CUX2: variants seen among roughly 807,000 people sequenced by gnomAD.
CUX2 encodes the protein homeobox protein cut-like 2.
In CUX2, 40 loss-of-function variants were observed where a neutral mutation model predicts 144.8. That is an observed-to-expected ratio of 0.28 (90% CI 0.21 to 0.36). CUX2 has a LOEUF of 0.36. Ranked by LOEUF, CUX2 falls within the 10% of genes least tolerant of loss-of-function variation. The probability of loss-of-function intolerance (pLI) is 1.00; values close to 1 mark genes in which losing one functional copy is unlikely to be tolerated. For missense variants in CUX2, 1,615 were observed against 1,994.0 expected (o/e 0.81, Z 3.62); for synonymous variants, 827 against 875.6 (o/e 0.94, Z 0.98).
chr12:111,118,014 G>A (rs1874404567), intron 1 of CUX2, among the ~76,000 whole-genome samples: 1 of 152,128 alleles, frequency 6.6e-6, no homozygotes, highest in South Asian at 2.1e-4. Context: ...GTAAAGGCTG[G>A]GAAACCTCCC....
intron 1 of CUX2, among the ~76,000 whole-genome samples, chr12:111,207,756 T>C (rs183053631): frequency 2.0e-5 from 3 of 152,310 alleles, no homozygotes; most frequent in Non-Finnish European, 4.4e-5. Context: ...ATAAGGAACT[T>C]CTGTGTAAAT....
At chr12:111,119,962 G>A (rs1459240418) in intron 1 of CUX2, among the ~76,000 whole-genome samples, 1 of 152,228 alleles carries the variant, frequency 6.6e-6, no homozygotes, top group Non-Finnish European at 1.5e-5. Flanking sequence ...GGAGGCTGAG[G>A]CAGGAGAATA....
chr12:111,107,170 C>G (rs1873662534), intron 1 of CUX2, among the ~76,000 whole-genome samples: 1 of 152,180 alleles, frequency 6.6e-6, no homozygotes, highest in Non-Finnish European at 1.5e-5. Context: ...CAGGTGTACC[C>G]AAATGTACAG....
intron 1 of CUX2, among the ~76,000 whole-genome samples, chr12:111,208,205 A>G (rs574028577): frequency 2.6e-5 from 4 of 151,982 alleles, no homozygotes; most frequent in Admixed American, 1.3e-4. Flanking sequence ...CCAGCTCCCA[A>G]CAATCACTTT....
chr12:111,167,553 G>A (rs1302767384), intron 1 of CUX2, among the ~76,000 whole-genome samples: 3 of 152,334 alleles, frequency 2.0e-5, no homozygotes, highest in South Asian at 4.1e-4. Context: ...TGCAGTCATA[G>A]CCTGTGCTGC....
At position 111,263,732 on chromosome 12, in the gene CUX2, CG is replaced by C. The variant is rs1482173029; in HGVS notation, c.223-28del. 2 of 1,570,918 alleles carry C rather than the reference CG, an allele frequency of 1.3e-6. No individual in the cohort carries two copies. The highest frequency in any genetic ancestry group is 1.4e-5 in the African/African-American group (1 of 73,870). On this transcript the variant is annotated intron_variant, in intron 3 of 21. Coordinates refer to ENST00000261726, the MANE Select transcript of CUX2 (RefSeq NM_015267.4). The surrounding 1 kb of genome is among the most constrained non-coding windows in gnomAD (Gnocchi z 4.0). The stretch of plus-strand genomic sequence containing the variant: ...TGCAGACACAGATGCCATGGTTACA[CG>C]TGACTCTTTCTCTTGTTGTCTCCAA...
intron 1 of CUX2, among the ~76,000 whole-genome samples, chr12:111,182,288 T>C (rs554907285): frequency 6.6e-6 from 1 of 152,336 alleles, no homozygotes; most frequent in Non-Finnish European, 1.5e-5. Flanking sequence ...AAATAATTAA[T>C]TCCTCTAAAC....
chr12:111,177,927 TCAC>T (rs1337627305), intron 1 of CUX2, among the ~76,000 whole-genome samples: 3 of 152,242 alleles, frequency 2.0e-5, no homozygotes, highest in Non-Finnish European at 4.4e-5. Flanking sequence ...ATTCAGAGAA[TCAC>T]CCCATACAAA....
chr12:111,252,210 A>G (rs1161499081), intron 3 of CUX2, among the ~76,000 whole-genome samples: 1 of 152,200 alleles, frequency 6.6e-6, no homozygotes, highest in Non-Finnish European at 1.5e-5. Context: ...TGTATATTAT[A>G]TCTGCCTTGG....
rs576468094 is a variant in CUX2, at chr12:111,287,561, G to A, written c.302-3857G>A. 1.3e-5 allele frequency among the ~76,000 whole-genome samples: 2 copies of A among 152,372 alleles called. No homozygotes were observed. The highest frequency in any genetic ancestry group is 6.5e-5 in the Admixed American group (1 of 15,312). ...ATGCACACAACAAATAATTATAGATGAATTTTTAGCTGGCCTGCCTAATGC... is the reference window on the plus strand; with the variant it reads ...ATGCACACAACAAATAATTATAGATAAATTTTTAGCTGGCCTGCCTAATGC... On this transcript the variant is annotated intron_variant, in intron 4 of 21. Coordinates refer to ENST00000261726, the MANE Select transcript of CUX2 (RefSeq NM_015267.4). This position sits in a 1 kb window ranked among gnomAD's most constrained non-coding sequence, Gnocchi z 4.2.
chr12:111,290,866 C>A (rs988921075), intron 4 of CUX2, among the ~76,000 whole-genome samples: 13 of 136,862 alleles, frequency 9.5e-5, no homozygotes, highest in Admixed American at 7.0e-5. Context: ...ACTCAGCCAA[C>A]CTTTTTTTTT....
intron 4 of CUX2, among the ~76,000 whole-genome samples, chr12:111,286,090 G>T (rs1198267916): frequency 1.3e-5 from 2 of 152,190 alleles, no homozygotes; most frequent in Non-Finnish European, 2.9e-5. Context: ...TAGACTCTGG[G>T]TCTCTGAGGG....
At position 111,310,403 on chromosome 12, in the gene CUX2, G is replaced by T. The variant is rs765232025; in HGVS notation, c.1621G>T (p.Gly541Cys). 3.7e-6 allele frequency: 6 copies of T among 1,610,442 alleles called. No individual in the cohort carries two copies. In the South Asian group the frequency reaches 5.5e-5, roughly 15 times the overall value. Reference sequence around the variant, plus strand: ...TCCTGAGCCCGCGGATGGTGGTGGGGGCGGAGCGGCGGGGCCCGGGGCAGA... The same window carrying T: ...TCCTGAGCCCGCGGATGGTGGTGGGTGCGGAGCGGCGGGGCCCGGGGCAGA... ...GGPEPADGGG[G>C]GAAGPGAEEE... The change falls in exon 15 of 22, where the codon GGC becomes TGC. Residue 541 changes from glycine (G) to cysteine (C), a missense_variant. Physicochemically the swap from Gly to Cys is radical, Grantham distance 159. Coordinates refer to ENST00000261726, the MANE Select transcript of CUX2 (RefSeq NM_015267.4). This position sits in a 1 kb window ranked among gnomAD's most constrained non-coding sequence, Gnocchi z 7.9.
chr12:111,133,841 G>A (rs1746464541), intron 1 of CUX2, among the ~76,000 whole-genome samples: 1 of 152,124 alleles, frequency 6.6e-6, no homozygotes. Flanking sequence ...CACTCCAGCT[G>A]GTGGTGGGGA....
chr12:111,070,536 G>T (rs1347341656), intron 1 of CUX2, among the ~76,000 whole-genome samples: 3 of 151,560 alleles, frequency 2.0e-5, no homozygotes, highest in Non-Finnish European at 1.5e-5. Context: ...CCCAATATGT[G>T]CATAGCCTCC....
At position 111,078,066 on chromosome 12, in the gene CUX2, T is replaced by C. The variant is rs189162515; in HGVS notation, c.63+43826T>C. 1.7e-3 allele frequency among the ~76,000 whole-genome samples: 259 copies of C among 152,284 alleles called. 1 individual carries two copies. The highest frequency in any genetic ancestry group is 5.8e-3 in the African/African-American group (239 of 41,552). Reference sequence around the variant, plus strand: ...CTTGGAGATTTTCAAAACAATGATATAGAAATCAGCAAATGAGTACATTGA... The same window carrying C: ...CTTGGAGATTTTCAAAACAATGATACAGAAATCAGCAAATGAGTACATTGA... On this transcript the variant is annotated intron_variant, in intron 1 of 21. Coordinates refer to ENST00000261726, the MANE Select transcript of CUX2 (RefSeq NM_015267.4).
intron 1 of CUX2, among the ~76,000 whole-genome samples, chr12:111,193,384 C>T (rs1018425029): frequency 2.3e-4 from 35 of 152,152 alleles, no homozygotes; most frequent in African/African-American, 8.2e-4. Flanking sequence ...TCTTTAAACA[C>T]GCTGGTAATG....
chr12:111,043,330 G>T (rs1194801750), intron 1 of CUX2, among the ~76,000 whole-genome samples: 1 of 152,120 alleles, frequency 6.6e-6, no homozygotes, highest in Non-Finnish European at 1.5e-5. Flanking sequence ...CAAGGACAAG[G>T]TTAGGGAAAA....
intron 1 of CUX2, among the ~76,000 whole-genome samples, chr12:111,174,101 GA>G: frequency 6.6e-6 from 1 of 152,336 alleles, no homozygotes; most frequent in South Asian, 2.1e-4. Context: ...CTGGGCTGGA[GA>G]GTTCAGATTT....
Sources: allele counts gnomAD v4.1 joint callset (sites outside exome capture counted in the v4.1 genomes callset), GRCh38; gene constraint gnomAD v4.1.1; non-coding constraint Gnocchi (gnomAD v3.1); transcripts MANE v1.5; gene names NCBI Gene and HGNC (gene_info 2026-07-23, HGNC 2026-07-21).